The following EPHA5 variants were observed in gnomAD, a reference collection of about 807,000 sequenced individuals.
The protein encoded by EPHA5 is ephrin type-A receptor 5.
EPHA5 carries 60 observed loss-of-function variants against 105.0 expected under a neutral mutation model. The observed-to-expected ratio is 0.57, with a 90% CI of 0.46 to 0.71. The LOEUF (loss-of-function observed/expected upper bound fraction) is 0.71, where lower values mean the gene tolerates loss of function less well. Among genes scored for constraint, EPHA5 ranks in the 30% least tolerant of loss-of-function variants. The pLI is 0.00. For missense variants in EPHA5, 1,218 were observed against 1,274.7 expected, an observed-to-expected ratio of 0.96 and a Z score of 0.68; for synonymous variants, 513 against 449.1, an observed-to-expected ratio of 1.14 and a Z score of -1.80.
chr4:65,436,069 A>G (rs533186960), intron 5 of EPHA5, among the ~76,000 whole-genome samples: 3 of 152,012 alleles, frequency 2.0e-5, no homozygotes, highest in Non-Finnish European at 4.4e-5. Context: ...CGAAATAACT[A>G]TAAATAATAT....
intron 8 of EPHA5, among the ~76,000 whole-genome samples, chr4:65,375,203 A>G (rs1025948886): frequency 1.8e-4 from 27 of 151,918 alleles, no homozygotes; most frequent in African/African-American, 6.5e-4. Context: ...ATTTTTTAAT[A>G]TTTCCAGCTT....
At chr4:65,428,846 C>T (rs2149057294) in intron 5 of EPHA5, among the ~76,000 whole-genome samples, 1 of 152,010 alleles carries the variant, frequency 6.6e-6, no homozygotes, top group South Asian at 2.1e-4. Context: ...GTGATATTAA[C>T]TTGAAAAGAA....
rs186741641 is a variant in EPHA5 at position 65,466,486 on chromosome 4, A to G, written c.1402+23891T>C. ...ATTAGAGGGTTTTGAGGAGGGAAGT[A>G]TCGTCATTTGACACATTTTAAAGAG... On this transcript the variant is annotated intron_variant, in intron 5 of 16. Coordinates refer to ENST00000613740, the MANE Select transcript of EPHA5 (RefSeq NM_001281766.3). 4.6e-5 allele frequency among the ~76,000 whole-genome samples: 7 copies of G among 152,334 alleles called. No individual in the cohort carries two copies. The East Asian group carries it at 1.4e-3, about 29-fold the overall frequency.
chr4:65,394,165 A>G (rs1054727211), intron 8 of EPHA5, among the ~76,000 whole-genome samples: 12 of 152,196 alleles, frequency 7.9e-5, no homozygotes, highest in African/African-American at 2.9e-4. Flanking sequence ...ATCTACTAAA[A>G]TTCAATGTAT....
chr4:65,470,490 T>A (rs1202752547), intron 5 of EPHA5, among the ~76,000 whole-genome samples: 1 of 152,112 alleles, frequency 6.6e-6, no homozygotes, highest in Non-Finnish European at 1.5e-5. Context: ...CCACACCTGG[T>A]GAAGATTTTC....
At chr4:65,330,812 A>G in intron 16 of EPHA5, 1 of 1,029,438 alleles carries the variant, frequency 9.7e-7, no homozygotes. Context: ...CATATGTGTT[A>G]TCAAGTAGAT....
At chr4:65,370,855 C>T (rs1009046528) in intron 8 of EPHA5, among the ~76,000 whole-genome samples, 9 of 151,878 alleles carry the variant, frequency 5.9e-5, no homozygotes, top group Admixed American at 2.0e-4. Flanking sequence ...TGGAACCTCC[C>T]GAAGCATCAT....
In EPHA5 at chr4:65,417,419, G is replaced by A. The variant is rs576903643; in HGVS notation, c.1528-2976C>T. Among the ~76,000 whole-genome samples, 11 of 152,164 alleles carry A rather than the reference G, an allele frequency of 7.2e-5. No homozygotes were observed. The East Asian group carries it at 2.1e-3, about 29-fold the overall frequency. Reference sequence around the variant, plus strand: ...TGAAAGTCTTTAAAAAATCTTTATAGGTATAATGTAGATATGCTCAAATAT... The same window carrying A: ...TGAAAGTCTTTAAAAAATCTTTATAAGTATAATGTAGATATGCTCAAATAT... On this transcript the variant is annotated intron_variant, in intron 6 of 16. Transcript: ENST00000613740.
At chr4:65,403,944 T>G (rs2148989164) in intron 8 of EPHA5, among the ~76,000 whole-genome samples, 1 of 152,242 alleles carries the variant, frequency 6.6e-6, no homozygotes, top group East Asian at 1.9e-4. Flanking sequence ...TACACCACCC[T>G]GTTAGGATAG....
chr4:65,414,415 T>G lies in EPHA5; in HGVS notation c.1556A>C (p.Lys519Thr). The G allele has an allele frequency of 6.2e-7, 1 of 1,613,984 alleles. No homozygotes were observed. The highest frequency in any genetic ancestry group is 8.5e-7 in the Non-Finnish European group (1 of 1,179,900). ...KDQETSYTII[K>T]SKETTITAEG... ...TGCAGTAATAGTTGTCTCTTTAGAT[T>G]TGATAATCGTGTAGCTGGTCTCTTG... is the stretch of plus-strand genomic sequence containing the variant. Residue 519 changes from lysine to threonine, a missense_variant, in exon 7 of 17, where the codon AAA becomes ACA. Physicochemically the swap from Lys to Thr is moderately conservative, Grantham distance 78 (BLOSUM62 -1). Coordinates refer to ENST00000613740, the MANE Select transcript of EPHA5 (RefSeq NM_001281766.3).
At chr4:65,379,274 CAT>C (rs1560472754) in intron 8 of EPHA5, among the ~76,000 whole-genome samples, 1 of 103,714 alleles carries the variant, frequency 9.6e-6, no homozygotes, top group African/African-American at 3.2e-5. Context: ...TAAGTATGCA[CAT>C]ACACACACAC....
At chr4:65,565,780 C>T (rs1739473080) in intron 3 of EPHA5, among the ~76,000 whole-genome samples, 1 of 150,686 alleles carries the variant, frequency 6.6e-6, no homozygotes, top group African/African-American at 2.4e-5. Context: ...AGTTAAAATG[C>T]AATAAAAAAA....
In EPHA5 at chr4:65,351,277, CTCTT is replaced by C. The variant is rs1722785826; in HGVS notation, c.2445+108_2445+111del. The C allele has an allele frequency of 3.0e-6, 3 of 989,962 alleles. No homozygotes were observed. In the African/African-American group the frequency reaches 4.8e-5, roughly 16 times the overall value. 61.3% of individuals were successfully genotyped at this position (989,962 alleles called of 1,614,324 possible). ...TCTCTCCCTCTCCCCCTCATTCTCT[CTCTT>C]TCTTTTTGACTTTGTTGCAGGAATG... On this transcript the variant is annotated intron_variant, in intron 13 of 16. Coordinates refer to ENST00000613740, the MANE Select transcript of EPHA5 (RefSeq NM_001281766.3).
chr4:65,565,224 A>C (rs552812040), intron 3 of EPHA5, among the ~76,000 whole-genome samples: 1 of 151,810 alleles, frequency 6.6e-6, no homozygotes, highest in South Asian at 2.1e-4. Context: ...ATGGTGACCA[A>C]TTTGCTAATG....
intron 2 of EPHA5, among the ~76,000 whole-genome samples, chr4:65,629,038 A>C (rs1434403331): frequency 6.6e-6 from 1 of 152,224 alleles, no homozygotes; most frequent in Admixed American, 6.5e-5. Context: ...GATGAATTGG[A>C]ATATATTTGC....
intron 15 of EPHA5, 42 bp from the exon 16 acceptor site, chr4:65,332,170 T>G: frequency 6.8e-7 from 1 of 1,475,584 alleles, no homozygotes; most frequent in South Asian, 1.3e-5. Context: ...TACAATTTAA[T>G]TCTTTTATAA....
chr4:65,465,425 C>A, intron 5 of EPHA5, among the ~76,000 whole-genome samples: 1 of 142,580 alleles, frequency 7.0e-6, no homozygotes, highest in Non-Finnish European at 1.5e-5. Context: ...GACTCCATCC[C>A]CCCACCCCTC....
chr4:65,636,508 T>A (rs1747132176), intron 2 of EPHA5, among the ~76,000 whole-genome samples: 1 of 151,652 alleles, frequency 6.6e-6, no homozygotes, highest in Non-Finnish European at 1.5e-5. Context: ...CACTTACCCA[T>A]ACTGAATCTC....
chr4:65,499,958 A>G (rs1220222112), intron 3 of EPHA5, among the ~76,000 whole-genome samples: 2 of 151,344 alleles, frequency 1.3e-5, no homozygotes, highest in Non-Finnish European at 3.0e-5. Flanking sequence ...CTGTGACAAA[A>G]CATGTTTGAG....
Sources: gnomAD v4.1 joint callset for allele counts (sites outside exome capture counted in the v4.1 genomes callset) on GRCh38, gnomAD v4.1.1 for gene constraint, MANE v1.5 for transcripts, NCBI Gene and HGNC (gene_info 2026-07-23, HGNC 2026-07-21) for gene names.